The following RAB3C variants were observed in gnomAD, a reference collection of about 807,000 sequenced individuals.
The protein encoded by RAB3C is ras-related protein Rab-3C.
Under a neutral mutation model 26.4 loss-of-function variants are expected in RAB3C, and 17 were observed. The observed-to-expected ratio is 0.64, with a 90% CI of 0.44 to 0.97. The LOEUF is 0.97. Among genes scored for constraint, RAB3C ranks in the 50% least tolerant of loss-of-function variants. The probability of loss-of-function intolerance (pLI) is 0.00; values close to 1 mark genes in which losing one functional copy is unlikely to be tolerated. For synonymous variants in RAB3C, 91 were observed against 95.9 expected, an observed-to-expected ratio of 0.95 and a Z score of 0.30; for missense variants, 242 against 281.9, an observed-to-expected ratio of 0.86 and a Z score of 1.01.
At chr5:58,675,296 T>A (rs1029301267) in intron 2 of RAB3C, among the ~76,000 whole-genome samples, 2 of 152,110 alleles carry the variant, frequency 1.3e-5, no homozygotes, top group Non-Finnish European at 2.9e-5. Flanking sequence ...GAGAAACATT[T>A]TTTCTCCACA....
At chr5:58,824,972 C>G in intron 3 of RAB3C, 66 bp from the exon 4 acceptor site, 4 of 1,061,074 alleles carry the variant, frequency 3.8e-6, no homozygotes, top group African/African-American at 1.7e-5. Context: ...GAATGTATTT[C>G]TTCTCCTTCA....
At chr5:58,698,569 C>T (rs1161308549) in intron 2 of RAB3C, among the ~76,000 whole-genome samples, 8 of 152,286 alleles carry the variant, frequency 5.3e-5, no homozygotes, top group Admixed American at 2.6e-4. Context: ...CACAATCAAA[C>T]GTAGATTTGG....
intron 2 of RAB3C, among the ~76,000 whole-genome samples, chr5:58,644,115 C>T (rs1166003068): frequency 6.6e-6 from 1 of 152,186 alleles, no homozygotes; most frequent in Non-Finnish European, 1.5e-5. Context: ...CCACTGCACC[C>T]AGCCGAGCAA....
chr5:58,634,677 A>G (rs916166912), intron 2 of RAB3C, among the ~76,000 whole-genome samples: 1 of 152,124 alleles, frequency 6.6e-6, no homozygotes, highest in African/African-American at 2.4e-5. Flanking sequence ...TAAAACTACT[A>G]AATCAGAGTG....
At chr5:58,776,509 A>G (rs1287228552) in intron 3 of RAB3C, among the ~76,000 whole-genome samples, 3 of 152,060 alleles carry the variant, frequency 2.0e-5, no homozygotes, top group Non-Finnish European at 2.9e-5. Flanking sequence ...TCCTTTTTCT[A>G]ATGATCTCTT....
chr5:58,819,337 A>G (rs1743287550), intron 3 of RAB3C, among the ~76,000 whole-genome samples: 1 of 152,218 alleles, frequency 6.6e-6, no homozygotes, highest in African/African-American at 2.4e-5. Flanking sequence ...TCTGAGTTGG[A>G]AGGGATGGGA....
chr5:58,776,425 T>A (rs1464906115), intron 3 of RAB3C, among the ~76,000 whole-genome samples: 1 of 152,148 alleles, frequency 6.6e-6, no homozygotes, highest in East Asian at 1.9e-4. Flanking sequence ...TTTTACTTTT[T>A]TAACTTCAAA....
intron 3 of RAB3C, among the ~76,000 whole-genome samples, chr5:58,795,122 T>G (rs1450127521): frequency 2.0e-5 from 3 of 152,198 alleles, no homozygotes; most frequent in Non-Finnish European, 4.4e-5. Context: ...TCCTGAGATC[T>G]GATGGTTTTG....
At chr5:58,809,056 G>C (rs911777765) in intron 3 of RAB3C, among the ~76,000 whole-genome samples, 1 of 152,312 alleles carries the variant, frequency 6.6e-6, no homozygotes, top group East Asian at 1.9e-4. Context: ...ATAAGCCACA[G>C]CAAGGGCAAA....
chr5:58,800,646 C>T (rs927329052), intron 3 of RAB3C, among the ~76,000 whole-genome samples: 2 of 152,072 alleles, frequency 1.3e-5, no homozygotes, highest in Non-Finnish European at 2.9e-5. Flanking sequence ...AGCTGCCACA[C>T]GTGGAGGGTG....
upstream of RAB3C, among the ~76,000 whole-genome samples, chr5:58,582,704 G>A (rs1247386856): frequency 6.6e-6 from 1 of 152,148 alleles, no homozygotes; most frequent in Non-Finnish European, 1.5e-5. Flanking sequence ...GGCTTCGTTT[G>A]CATTGGAAAT....
chr5:58,697,951 G>T lies in RAB3C; in HGVS notation c.253-28051G>T, dbSNP rs183068853. ...GGTTAATATTGTTATATGTGAATTT[G>T]ATCGTGTCATTATGATGTTAGCTGG... On this transcript the variant is annotated intron_variant, in intron 2 of 4. Transcript: ENST00000282878. Among the ~76,000 whole-genome samples the T allele has an allele frequency of 1.3e-3, 193 of 152,310 alleles. 1 individual carries two copies. The highest frequency in any genetic ancestry group is 4.4e-3 in the African/African-American group (183 of 41,564).
chr5:58,689,122 G>A (rs1285891282), intron 2 of RAB3C: 1 of 152,080 alleles, frequency 6.6e-6, no homozygotes, highest in African/African-American at 2.4e-5. Flanking sequence ...AGAGATAGAA[G>A]TAACTTTTCA....
intron 1 of RAB3C, among the ~76,000 whole-genome samples, chr5:58,594,128 C>CT (rs1222581025): frequency 7.9e-5 from 12 of 152,196 alleles, no homozygotes; most frequent in Non-Finnish European, 1.5e-4. Context: ...ATGGGCGTTA[C>CT]TTGCTAGCCA....
At chr5:58,819,315 T>C (rs1373780346) in intron 3 of RAB3C, among the ~76,000 whole-genome samples, 2 of 152,200 alleles carry the variant, frequency 1.3e-5, no homozygotes, top group Non-Finnish European at 2.9e-5. Flanking sequence ...ACTGGCGGAA[T>C]AAATTGTTGA....
chr5:58,850,043 A>C (rs1744081424), intron 4 of RAB3C, among the ~76,000 whole-genome samples: 2 of 152,214 alleles, frequency 1.3e-5, no homozygotes, highest in Non-Finnish European at 2.9e-5. Flanking sequence ...TGTTCAGCCC[A>C]ACACATCCTA....
intron 2 of RAB3C, among the ~76,000 whole-genome samples, chr5:58,676,817 C>G (rs574910710): frequency 6.6e-6 from 1 of 152,104 alleles, no homozygotes; most frequent in East Asian, 1.9e-4. Flanking sequence ...GTCATGCAGA[C>G]TTTTTTTAAA....
Position 58,702,248 on chromosome 5 carries a change from T to A in RAB3C, c.253-23754T>A, listed in dbSNP as rs372422893. Among the ~76,000 whole-genome samples, 16 of 152,368 alleles carry A rather than the reference T, an allele frequency of 1.1e-4. 1 individual carries two copies. In the South Asian group the frequency reaches 3.3e-3, roughly 32 times the overall value. On this transcript the variant is annotated intron_variant, in intron 2 of 4. Transcript: ENST00000282878. ...TAGCCTATTAATTTGTAAAATGCTG[T>A]CCGTGACCCATTTCACAGAGTTTCT...
At position 58,768,023 on chromosome 5, in the gene RAB3C, C is replaced by T. The variant is rs1741946430; in HGVS notation, c.371+41903C>T. The stretch of plus-strand genomic sequence containing the variant: ...GCCCCTGACACAGTGGAGTCCAGCT[C>T]ACATTTGTATAAGACTTCCAAGGCT... On this transcript the variant is annotated intron_variant, in intron 3 of 4. Transcript: ENST00000282878. Among the ~76,000 whole-genome samples, 3 of 152,208 alleles carry T rather than the reference C, an allele frequency of 2.0e-5. 1 individual carries two copies. The South Asian group carries it at 6.2e-4, about 32-fold the overall frequency.
Sources: allele counts gnomAD v4.1 joint callset (sites outside exome capture counted in the v4.1 genomes callset), GRCh38; gene constraint gnomAD v4.1.1; transcripts MANE v1.5; gene names NCBI Gene and HGNC (gene_info 2026-07-23, HGNC 2026-07-21).